CD82: variants seen among roughly 807,000 people sequenced by gnomAD.
The protein encoded by CD82 is CD82 molecule, also known as CD82 antigen.
Under a neutral mutation model 37.4 loss-of-function variants are expected in CD82, and 36 were observed. That is an observed-to-expected ratio of 0.96 (90% CI 0.74 to 1.27). The LOEUF is 1.27. Ranked by LOEUF, CD82 falls within the 50% of genes most tolerant of loss-of-function variation. CD82 has a pLI of 0.00. For synonymous variants in CD82, 158 were observed against 137.4 expected (o/e 1.15, Z -1.05); for missense variants, 340 against 347.0 (o/e 0.98, Z 0.16).
chr11:44,596,943 G>A (rs1490935384), intron 3 of CD82: 1 of 456,258 alleles, frequency 2.2e-6, no homozygotes, highest in Non-Finnish European at 4.4e-6. Flanking sequence ...TCGGAAAGCA[G>A]ATGAGGCTCT....
chr11:44,619,234 C>T lies in CD82; in HGVS notation c.*108C>T. On this transcript the variant is annotated 3_prime_UTR_variant, in exon 10 of 10. Coordinates refer to ENST00000227155, the MANE Select transcript of CD82 (RefSeq NM_002231.4). Reference sequence around the variant, plus strand: ...CCTCCCACTTCACTGCGAAGACCCTCTTGCCCATCCTGACTGAAAGTAGGG... The same window carrying T: ...CCTCCCACTTCACTGCGAAGACCCTTTTGCCCATCCTGACTGAAAGTAGGG... 3 of 875,906 alleles carry T rather than the reference C, an allele frequency of 3.4e-6. No homozygotes were observed. In the Admixed American group the frequency reaches 5.4e-5, roughly 16 times the overall value. 54.3% of individuals were successfully genotyped at this position (875,906 alleles called of 1,614,324 possible). A position where few individuals can be genotyped will look rare whatever the true frequency, so the allele number is the denominator to read the frequency against.
At chr11:44,565,026 GC>G (rs1291574693), upstream of CD82, among the ~76,000 whole-genome samples, 6 of 152,242 alleles carry the variant, frequency 3.9e-5, no homozygotes, top group Non-Finnish European at 5.9e-5. Context: ...AAGTTCCTGG[GC>G]CCAGGCCGCC....
At chr11:44,581,551 T>G (rs1450823122) in intron 1 of CD82, among the ~76,000 whole-genome samples, 1 of 152,234 alleles carries the variant, frequency 6.6e-6, no homozygotes, top group Non-Finnish European at 1.5e-5. Context: ...GTATAATTGC[T>G]CATGTTCATG....
chr11:44,569,574 T>G (rs1852786029), intron 1 of CD82, among the ~76,000 whole-genome samples: 1 of 152,132 alleles, frequency 6.6e-6, no homozygotes, highest in Non-Finnish European at 1.5e-5. Context: ...CTGGGATCTA[T>G]CCTTTGCAAA....
rs189473463 is a variant in CD82 at position 44,587,180 on chromosome 11, G to A, written c.-102-295G>A. 1,131 of 344,584 alleles carry A rather than the reference G, an allele frequency of 3.3e-3. 9 individuals carry two copies. Among genetic ancestry groups the A allele is most frequent in the Middle Eastern group, 6.4e-3 (6 of 938 alleles). The allele number at this position is 344,584 out of a possible 1,614,324, so 21.3% of individuals were successfully genotyped here. A position where few individuals can be genotyped will look rare whatever the true frequency, so the allele number is the denominator to read the frequency against. ...TTTAGGGAGGGCCTTTGGGAGGAGG[G>A]ATGTCAGCCTTCTGAGCCAAGGCTT... On this transcript the variant is annotated intron_variant, in intron 1 of 9. Coordinates refer to ENST00000227155, the MANE Select transcript of CD82 (RefSeq NM_002231.4).
chr11:44,612,461 AAGTT>A (rs1010408819), intron 6 of CD82, among the ~76,000 whole-genome samples: 5 of 152,078 alleles, frequency 3.3e-5, no homozygotes, highest in Admixed American at 1.3e-4. Flanking sequence ...CATTTGATAA[AAGTT>A]AGCCACTATT....
At chr11:44,609,771 C>T (rs2134682480) in intron 6 of CD82, among the ~76,000 whole-genome samples, 1 of 152,266 alleles carries the variant, frequency 6.6e-6, no homozygotes, top group African/African-American at 2.4e-5. Context: ...CAGCTGGAGC[C>T]TGGGACAGGG....
At chr11:44,607,530 C>A (rs149857462) in intron 6 of CD82, among the ~76,000 whole-genome samples, 1 of 152,288 alleles carries the variant, frequency 6.6e-6, no homozygotes, top group African/African-American at 2.4e-5. Context: ...AGAAGCTGGT[C>A]GCCTCTGCAG....
At chr11:44,579,294 A>G (rs1852946027) in intron 1 of CD82, among the ~76,000 whole-genome samples, 1 of 151,978 alleles carries the variant, frequency 6.6e-6, no homozygotes. Flanking sequence ...CGGAGGTCAC[A>G]GGGGAGGCAG....
chr11:44,593,695 T>C (rs780617870), intron 2 of CD82, among the ~76,000 whole-genome samples: 8 of 152,306 alleles, frequency 5.3e-5, no homozygotes, highest in Non-Finnish European at 1.2e-4. Flanking sequence ...AATGCTTTTA[T>C]GGGATGGCCA....
intron 1 of CD82, among the ~76,000 whole-genome samples, chr11:44,577,986 C>A (rs1852923046): frequency 6.6e-6 from 1 of 152,208 alleles, no homozygotes; most frequent in Non-Finnish European, 1.5e-5. Context: ...GTGACCCTCC[C>A]TGGGCACGTT....
chr11:44,571,387 C>T (rs1234308353), intron 1 of CD82, among the ~76,000 whole-genome samples: 1 of 152,210 alleles, frequency 6.6e-6, no homozygotes, highest in East Asian at 1.9e-4. Flanking sequence ...ACCAGCTAGG[C>T]GTGACTTTGT....
At position 44,605,093 on chromosome 11, in the gene CD82, G is replaced by T; in HGVS notation, c.172G>T (p.Val58Phe). Reference sequence around the variant, plus strand: ...CAGCTCGCTTAGGATGGGGGCCTATGTCTTCATCGGCGTGGGGGCAGTCAC... The same window carrying T: ...CAGCTCGCTTAGGATGGGGGCCTATTTCTTCATCGGCGTGGGGGCAGTCAC... ...SSSSLRMGAY[V>F]FIGVGAVTML... Residue 58 changes from valine (V) to phenylalanine (F), a missense_variant, in exon 5 of 10, where the codon GTC (valine) becomes TTC (phenylalanine). Val to Phe is a conservative substitution (Grantham distance 50, BLOSUM62 -1). Transcript: ENST00000227155. 1 of 1,614,242 alleles carries T rather than the reference G, an allele frequency of 6.2e-7. No homozygotes were observed. Among genetic ancestry groups the T allele is most frequent in the Non-Finnish European group, 8.5e-7 (1 of 1,180,048 alleles).
At chr11:44,598,316 CA>C (rs1338364905) in intron 3 of CD82, among the ~76,000 whole-genome samples, 5 of 146,030 alleles carry the variant, frequency 3.4e-5, no homozygotes, top group Non-Finnish European at 6.0e-5. Flanking sequence ...GGCCCTGGGG[CA>C]AAAGGAAACA....
Position 44,597,200 on chromosome 11 carries a change from C to T in CD82, c.63+2475C>T, listed in dbSNP as rs1431095142. Among the ~76,000 whole-genome samples the T allele has an allele frequency of 1.3e-5, 2 of 152,220 alleles. No individual in the cohort carries two copies. Among genetic ancestry groups the T allele is most frequent in the African/African-American group, 2.4e-5 (1 of 41,454 alleles). On this transcript the variant is annotated intron_variant, in intron 3 of 9. Transcript: ENST00000227155. The surrounding 1 kb of genome is among the most constrained non-coding windows in gnomAD (Gnocchi z 4.1). The stretch of plus-strand genomic sequence containing the variant: ...GTGCATGTGCACCTGTATGTCTTTG[C>T]CTGTACTCCCTCTGGACTCCAGACT...
rs1214889414 is a variant in CD82, at chr11:44,618,695, G to T, written c.698G>T (p.Gly233Val). Reference protein sequence around the residue: ...WLQENLGIILGVGVGVAIIEL... With the variant: ...WLQENLGIILVVGVGVAIIEL... ...CAGGAGAACCTGGGCATCATCCTCG[G>T]CGTGGGCGTGGGTGTGGCCATCATC... Residue 233 changes from glycine to valine, a missense_variant, in exon 9 of 10, where the codon GGC becomes GTC. Gly to Val is a moderately radical substitution (Grantham distance 109). Coordinates refer to ENST00000227155, the MANE Select transcript of CD82 (RefSeq NM_002231.4). The T allele has an allele frequency of 6.2e-7, 1 of 1,613,318 alleles. No homozygotes were observed. The highest frequency in any genetic ancestry group is 1.3e-5 in the African/African-American group (1 of 75,004).
At chr11:44,595,299 TTGAC>T (rs1301226243) in intron 3 of CD82, among the ~76,000 whole-genome samples, 1 of 152,204 alleles carries the variant, frequency 6.6e-6, no homozygotes, top group Non-Finnish European at 1.5e-5. Flanking sequence ...TCTGTGGACA[TTGAC>T]TGCTGGTTTT....
rs943303068 is a variant in CD82, at chr11:44,597,037, C to T, written c.63+2312C>T. On this transcript the variant is annotated intron_variant, in intron 3 of 9. Coordinates refer to ENST00000227155, the MANE Select transcript of CD82 (RefSeq NM_002231.4). The surrounding 1 kb of genome is among the most constrained non-coding windows in gnomAD (Gnocchi z 4.1). ...GGGGGATCCTGGCAGCAGGGGCAGC[C>T]GGTGGAGGCAGAGTGCACCTCCCCA... The T allele has an allele frequency of 2.3e-4, 107 of 455,756 alleles. 1 individual carries two copies. Among genetic ancestry groups the T allele is most frequent in the African/African-American group, 1.4e-3 (71 of 50,136 alleles). 28.2% of individuals were successfully genotyped at this position (455,756 alleles called of 1,614,324 possible).
rs572756050 is a variant in CD82 at position 44,584,623 on chromosome 11, G to A, written c.-102-2852G>A. On this transcript the variant is annotated intron_variant, in intron 1 of 9. Coordinates refer to ENST00000227155, the MANE Select transcript of CD82 (RefSeq NM_002231.4). Reference sequence around the variant, plus strand: ...GTCTTAAAGGAAACCTGAGGCCCTCGTCCTGCTTATGCTCACTCTTCTCCT... The same window carrying A: ...GTCTTAAAGGAAACCTGAGGCCCTCATCCTGCTTATGCTCACTCTTCTCCT... Among the ~76,000 whole-genome samples the A allele has an allele frequency of 7.9e-5, 12 of 152,114 alleles. No individual in the cohort carries two copies. The East Asian group carries it at 1.5e-3, about 20-fold the overall frequency.
Sources: gnomAD v4.1 joint callset for allele counts (sites outside exome capture counted in the v4.1 genomes callset) on GRCh38, gnomAD v4.1.1 for gene constraint, Gnocchi (gnomAD v3.1) non-coding constraint, MANE v1.5 for transcripts, NCBI Gene and HGNC (gene_info 2026-07-23, HGNC 2026-07-21) for gene names.